Variants in LDLRAD4 observed in about 807,000 individuals in gnomAD.
The protein encoded by LDLRAD4 is low density lipoprotein receptor class A domain containing 4.
Under a neutral mutation model 17.0 loss-of-function variants are expected in LDLRAD4, and 5 were observed. The observed-to-expected ratio is 0.29, with a 90% confidence interval of 0.15 to 0.62. The LOEUF is 0.62. Among genes scored for constraint, LDLRAD4 ranks in the 20% least tolerant of loss-of-function variants. The pLI, the probability that LDLRAD4 is intolerant of heterozygous loss-of-function variation, is 0.84. For missense variants in LDLRAD4, 340 were observed against 424.7 expected, an observed-to-expected ratio of 0.80 and a Z score of 1.75; for synonymous variants, 168 against 171.8, an observed-to-expected ratio of 0.98 and a Z score of 0.17.
intron 1 of LDLRAD4, among the ~76,000 whole-genome samples, chr18:13,219,667 A>T (rs186740889): frequency 6.6e-6 from 1 of 152,156 alleles, no homozygotes; most frequent in African/African-American, 2.4e-5. Context: ...ATAGGGTCCT[A>T]TGGCTGGTAA....
intron 2 of LDLRAD4, chr18:13,420,527 G>A (rs1324891720): frequency 1.3e-5 from 2 of 152,234 alleles, no homozygotes; most frequent in Non-Finnish European, 2.9e-5. Flanking sequence ...CATGGCCTCT[G>A]GAAGGAATCT....
chr18:13,252,781 C>T (rs1029155891), intron 1 of LDLRAD4, among the ~76,000 whole-genome samples: 5 of 152,216 alleles, frequency 3.3e-5, no homozygotes, highest in South Asian at 4.1e-4. Flanking sequence ...CCTCACTTGC[C>T]GTCGGCCCTC....
chr18:13,518,093 G>A (rs376560922), intron 3 of LDLRAD4, among the ~76,000 whole-genome samples: 8 of 152,156 alleles, frequency 5.3e-5, no homozygotes, highest in Non-Finnish European at 4.4e-5. Flanking sequence ...CCTAGTCTGT[G>A]GATTGGTGTC....
intron 3 of LDLRAD4, among the ~76,000 whole-genome samples, chr18:13,575,476 G>A (rs2094755555): frequency 6.6e-6 from 1 of 152,210 alleles, no homozygotes; most frequent in Non-Finnish European, 1.5e-5. Context: ...TGATTGATGG[G>A]CATTTGGGCT....
chr18:13,318,014 TGGA>T (rs1440957801), intron 1 of LDLRAD4, among the ~76,000 whole-genome samples: 1 of 152,202 alleles, frequency 6.6e-6, no homozygotes, highest in African/African-American at 2.4e-5. Flanking sequence ...CTGTGTCATC[TGGA>T]ATAGAATTTT....
At chr18:13,411,723 C>T (rs1183597397) in intron 2 of LDLRAD4, among the ~76,000 whole-genome samples, 2 of 152,208 alleles carry the variant, frequency 1.3e-5, no homozygotes, top group Admixed American at 6.5e-5. Context: ...CATTAAACCT[C>T]TTTCCTTTAT....
intron 3 of LDLRAD4, among the ~76,000 whole-genome samples, chr18:13,586,193 A>C (rs539528041): frequency 6.6e-6 from 1 of 152,120 alleles, no homozygotes; most frequent in East Asian, 1.9e-4. Flanking sequence ...AGCTCACTTG[A>C]GGTCAGGAGT....
intron 1 of LDLRAD4, among the ~76,000 whole-genome samples, chr18:13,307,206 C>G (rs1599285732): frequency 6.6e-6 from 1 of 152,014 alleles, no homozygotes; most frequent in African/African-American, 2.4e-5. Context: ...GAAGTTACAC[C>G]AAGTGTGCGT....
intron 1 of LDLRAD4, among the ~76,000 whole-genome samples, chr18:13,311,827 C>G (rs938554573): frequency 1.4e-5 from 2 of 141,698 alleles, no homozygotes; most frequent in Non-Finnish European, 3.1e-5. Flanking sequence ...ACCCTCAAAT[C>G]TGAAACTTTT....
intron 1 of LDLRAD4, among the ~76,000 whole-genome samples, chr18:13,281,803 A>AC (rs2045296252): frequency 6.6e-6 from 1 of 152,038 alleles, no homozygotes; most frequent in South Asian, 2.1e-4. Flanking sequence ...ACCTCTGTCT[A>AC]CCCAGCATCA....
intron 1 of LDLRAD4, among the ~76,000 whole-genome samples, chr18:13,385,043 C>T (rs1203649088): frequency 6.6e-6 from 1 of 152,164 alleles, no homozygotes; most frequent in African/African-American, 2.4e-5. Flanking sequence ...TATTTTTAGT[C>T]TTTTGAGGAA....
intron 2 of LDLRAD4, among the ~76,000 whole-genome samples, chr18:13,395,926 G>T (rs571104254): frequency 3.9e-5 from 6 of 152,252 alleles, no homozygotes; most frequent in African/African-American, 1.4e-4. Flanking sequence ...CCTGTGCTGG[G>T]CTGATAATCG....
At chr18:13,250,728 T>C (rs543051853) in intron 1 of LDLRAD4, among the ~76,000 whole-genome samples, 78 of 152,242 alleles carry the variant, frequency 5.1e-4, no homozygotes, top group African/African-American at 1.6e-3. Flanking sequence ...TGAAGTTGAA[T>C]CAGTAATAAA....
intron 1 of LDLRAD4, among the ~76,000 whole-genome samples, chr18:13,246,074 G>A (rs1293255657): frequency 1.3e-5 from 2 of 152,264 alleles, no homozygotes; most frequent in African/African-American, 4.8e-5. Flanking sequence ...TGGATTCAAT[G>A]TGTGAACAAA....
At chr18:13,449,036 T>TG (rs1249282602) in intron 3 of LDLRAD4, among the ~76,000 whole-genome samples, 1 of 152,182 alleles carries the variant, frequency 6.6e-6, no homozygotes, top group Non-Finnish European at 1.5e-5. Context: ...CAAGAGCTAA[T>TG]AACAGAGGGA....
intron 4 of LDLRAD4, among the ~76,000 whole-genome samples, chr18:13,624,689 C>T (rs536371598): frequency 4.0e-4 from 61 of 152,352 alleles, no homozygotes; most frequent in Middle Eastern, 3.4e-3. Flanking sequence ...CCAAGTTCCC[C>T]GCCTTCCCCA....
intron 3 of LDLRAD4, chr18:13,488,297 C>T (rs1050792609): frequency 1.3e-5 from 2 of 152,360 alleles, no homozygotes; most frequent in African/African-American, 4.8e-5. Flanking sequence ...AGTGCAGACC[C>T]CCTCTGTGGG....
chr18:13,576,437 A>AAAAAAAAAAG (rs1555750703), intron 3 of LDLRAD4, among the ~76,000 whole-genome samples: 2 of 83,598 alleles, frequency 2.4e-5, no homozygotes, highest in African/African-American at 6.1e-5. Flanking sequence ...AAAAAAAAAA[A>AAAAAAAAAAG]AAAGAAAGAA....
chr18:13,644,133 G>C (rs1250185565), intron 5 of LDLRAD4, among the ~76,000 whole-genome samples: 1 of 152,018 alleles, frequency 6.6e-6, no homozygotes, highest in African/African-American at 2.4e-5. Flanking sequence ...AAAAGTCTAG[G>C]AGCCACAAAG....
Sources: allele counts gnomAD v4.1 joint callset (sites outside exome capture counted in the v4.1 genomes callset), GRCh38; gene constraint gnomAD v4.1.1; transcripts MANE v1.5; gene names NCBI Gene and HGNC (gene_info 2026-07-23, HGNC 2026-07-21).